UCKL1: variants seen among roughly 807,000 people sequenced by gnomAD.
The protein encoded by UCKL1 is uridine-cytidine kinase 1 like 1, also known as uridine-cytidine kinase-like 1.
In UCKL1, 65 loss-of-function variants were observed where a neutral mutation model predicts 59.2. The ratio of observed to expected loss-of-function variants is 1.10; its 90% confidence interval spans 0.90 to 1.35. The LOEUF (loss-of-function observed/expected upper bound fraction) is 1.35. Among genes scored for constraint, UCKL1 ranks in the 40% most tolerant of loss-of-function variants. The pLI, the probability that UCKL1 is intolerant of heterozygous loss-of-function variation, is 0.00. For missense variants in UCKL1, 703 were observed against 784.3 expected, an observed-to-expected ratio of 0.90 and a Z score of 1.24; for synonymous variants, 410 against 323.1, an observed-to-expected ratio of 1.27 and a Z score of -2.88.
Position 63,945,915 on chromosome 20 carries a change from C to T in UCKL1, c.472G>A (p.Asp158Asn). The T allele has an allele frequency of 6.2e-7, 1 of 1,613,876 alleles. No individual in the cohort carries two copies. The highest frequency in any genetic ancestry group is 8.5e-7 in the Non-Finnish European group (1 of 1,179,996). The change falls in exon 4 of 15, where the codon GAT (aspartate) becomes AAT (asparagine). Residue 158 changes from aspartate to asparagine, a missense_variant. Asp to Asn is a conservative substitution (Grantham distance 23). Around this residue, in one of 4 missense-constraint regions of UCKL1, gnomAD observed 398 missense variants for 373.0 expected, o/e 1.07. Coordinates refer to ENST00000354216, the MANE Select transcript of UCKL1 (RefSeq NM_017859.4). Reference sequence around the variant, plus strand: ...ATGATGAGGTCGAAGTCAAAGGCATCTGGGTGGTCGAAGTTGAAGTTGTTG... The same window carrying T: ...ATGATGAGGTCGAAGTCAAAGGCATTTGGGTGGTCGAAGTTGAAGTTGTTG... ...AHNNFNFDHP[D>N]AFDFDLIIST...
At position 63,945,734 on chromosome 20, in the gene UCKL1, C is replaced by T. The variant is rs1355705060; in HGVS notation, c.583-12G>A. The T allele has an allele frequency of 1.2e-6, 2 of 1,612,884 alleles. No homozygotes were observed. The highest frequency in any genetic ancestry group is 2.2e-5 in the East Asian group (1 of 44,858). ...CCATACAGTGTTTTCTGTGAAGAAA[C>T]CCAGGAGTTGCGGAGCCTGGCTCAT... is the stretch of plus-strand genomic sequence containing the variant. On this transcript the variant is annotated splice_polypyrimidine_tract_variant and intron_variant, in intron 4 of 14. Transcript: ENST00000354216.
At chr20:63,945,456 C>T (rs2055911040) in intron 5 of UCKL1, among the ~76,000 whole-genome samples, 195 bp downstream of exon 5, 1 of 152,248 alleles carries the variant, frequency 6.6e-6, no homozygotes. Flanking sequence ...CCTCAGGCAG[C>T]CACGCTCTGC....
chr20:63,942,870 A>G (rs2055011488), intron 8 of UCKL1: 2 of 382,488 alleles, frequency 5.2e-6, no homozygotes, highest in Non-Finnish European at 1.1e-5. Flanking sequence ...GGCCGAGGAG[A>G]GGGCCAAGCG....
chr20:63,940,984 A>G lies in UCKL1; in HGVS notation c.1082T>C (p.Leu361Pro). 6.5e-7 allele frequency: 1 copy of G among 1,530,378 alleles called. No individual in the cohort carries two copies. Among genetic ancestry groups the G allele is most frequent in the Non-Finnish European group, 8.8e-7 (1 of 1,136,680 alleles). The allele number at this position is 1,530,378 out of a possible 1,614,324, so 94.8% of individuals were successfully genotyped here. A position where few individuals can be genotyped will look rare whatever the true frequency, so the allele number is the denominator to read the frequency against. ...IFYSKRLMRL[L>P]IEHALSFLPF... ...CAGGAAGGAGAGCGCGTGCTCGATG[A>G]GCAGCCGCATCAGTCTCTTGGAGTA... The change falls in exon 10 of 15, where the codon CTC becomes CCC. Residue 361 changes from leucine (L) to proline (P), a missense_variant. This residue lies in a region of UCKL1 where 156 missense variants were observed against 185.6 expected (regional missense o/e 0.84). Transcript: ENST00000354216.
intron 1 of UCKL1, among the ~76,000 whole-genome samples, chr20:63,946,859 T>G (rs1456629898): frequency 6.6e-6 from 1 of 151,706 alleles, no homozygotes; most frequent in Non-Finnish European, 1.5e-5. Flanking sequence ...AGGTGGATCA[T>G]TTGAGGTCAG....
intron 1 of UCKL1, chr20:63,954,304 C>G (rs1413076539): frequency 1.3e-5 from 2 of 152,922 alleles, no homozygotes; most frequent in African/African-American, 4.8e-5. Flanking sequence ...GCTAACACCA[C>G]AAAGGACCTG....
chr20:63,945,525 G>A, intron 5 of UCKL1, 126 bp downstream of exon 5: 2 of 942,792 alleles, frequency 2.1e-6, no homozygotes, highest in Non-Finnish European at 3.2e-6. Flanking sequence ...GTTGGGGTAG[G>A]GAGTGGCTGG....
At position 63,944,632 on chromosome 20, in the gene UCKL1, T is replaced by C; in HGVS notation, c.757A>G (p.Ile253Val). The change falls in exon 6 of 15, where the codon ATC becomes GTC. Residue 253 changes from isoleucine (I) to valine (V), a missense_variant. By Grantham distance (29) the Ile-to-Val change is conservative. Transcript: ENST00000354216. Reference protein sequence around the residue: ...SERGRDIEGVIKQYNKFVKPS... With the variant: ...SERGRDIEGVVKQYNKFVKPS... ...TTGACAAACTTGTTGTACTGCTTGA[T>C]GACACCCTCGATGTCCCGGCCGCGC... 17 of 1,613,152 alleles carry C rather than the reference T, an allele frequency of 1.1e-5. No individual in the cohort carries two copies. The highest frequency in any genetic ancestry group is 1.4e-5 in the Non-Finnish European group (17 of 1,179,944).
rs1191945991 is a variant in UCKL1, at chr20:63,939,994, TTCC to T, written c.1626_1628del (p.Glu543del). 4 of 1,588,602 alleles carry T rather than the reference TTCC, an allele frequency of 2.5e-6. No homozygotes were observed. Among genetic ancestry groups the T allele is most frequent in the African/African-American group, 1.4e-5 (1 of 73,612 alleles). ...TGGGCAGCTAACCCGTGTAGGCCAC[TTCC>T]TCCTCGTCACTGCCATCGGGGACCG... On this transcript the variant is annotated inframe_deletion, in exon 15 of 15. Coordinates refer to ENST00000354216, the MANE Select transcript of UCKL1 (RefSeq NM_017859.4).
In UCKL1 at chr20:63,946,338, C is replaced by T. The variant is rs974385934; in HGVS notation, c.305-71G>A. 2.5e-5 allele frequency: 39 copies of T among 1,535,426 alleles called. No homozygotes were observed. In the Middle Eastern group the frequency reaches 5.4e-4, roughly 21 times the overall value. On this transcript the variant is annotated intron_variant, in intron 2 of 14. Coordinates refer to ENST00000354216, the MANE Select transcript of UCKL1 (RefSeq NM_017859.4). The stretch of plus-strand genomic sequence containing the variant: ...CGGCACAGATAGGTCCCAGAGGTGC[C>T]CATCCCGCTGCCGCTGCCTGCGGTT...
At chr20:63,956,160 G>C in intron 1 of UCKL1, 100 bp downstream of exon 1, 5 of 1,145,036 alleles carry the variant, frequency 4.4e-6, no homozygotes, top group Non-Finnish European at 4.6e-6. Context: ...CGGGAGTGGG[G>C]GACTTGGGCT....
At chr20:63,948,578 G>GGC (rs773344641) in intron 1 of UCKL1, 1 of 10,368 alleles carries the variant, frequency 9.6e-5, no homozygotes, top group Non-Finnish European at 1.9e-4. Flanking sequence ...AGAGGGAGGG[G>GGC]ATGTGTGTGA....
rs771224266 is a variant in UCKL1 at position 63,940,297 on chromosome 20, C to T, written c.1420G>A (p.Val474Met). Residue 474 changes from valine (V) to methionine (M), a missense_variant, in exon 14 of 15, where the codon GTG becomes ATG. By Grantham distance (21) the Val-to-Met change is conservative. Coordinates refer to ENST00000354216, the MANE Select transcript of UCKL1 (RefSeq NM_017859.4). ...MAVRVLLDHD[V>M]PEDKIFLLSL... ...AGCAAAAAGATCTTGTCCTCAGGCA[C>T]GTCGTGGTCCTACCGAGTGTATTGG... 7.4e-6 allele frequency: 12 copies of T among 1,612,660 alleles called. No homozygotes were observed. Among genetic ancestry groups the T allele is most frequent in the Non-Finnish European group, 8.5e-6 (10 of 1,179,982 alleles).
rs768811041 is a variant in UCKL1 at position 63,944,486 on chromosome 20, C to T, written c.845-28G>A. 129 of 1,578,098 alleles carry T rather than the reference C, an allele frequency of 8.2e-5. 1 individual carries two copies. The highest frequency in any genetic ancestry group is 1.6e-4 in the Admixed American group (9 of 55,424). ...GGGGCGGGATGGGGGGGCGGGTGACCGGGGGCTGGGCCGTTGGCCTGCCCG... is the reference window on the plus strand; with the variant it reads ...GGGGCGGGATGGGGGGGCGGGTGACTGGGGGCTGGGCCGTTGGCCTGCCCG... On this transcript the variant is annotated intron_variant, in intron 6 of 14. Transcript: ENST00000354216.
intron 3 of UCKL1, 92 bp from the exon 4 acceptor site, chr20:63,946,067 A>G: frequency 6.2e-7 from 1 of 1,608,378 alleles, no homozygotes; most frequent in Non-Finnish European, 8.5e-7. Flanking sequence ...AGGAGCAGCC[A>G]CGCTGGGGCT....
At chr20:63,943,789 C>T (rs1363148167) in intron 7 of UCKL1, 120 bp from the exon 8 acceptor site, 5 of 1,448,592 alleles carry the variant, frequency 3.5e-6, no homozygotes, top group African/African-American at 2.8e-5. Context: ...CACAGCCAGC[C>T]ATGGGGGGTG....
rs1569064128 is a variant in UCKL1, at chr20:63,944,427, A to G, written c.876T>C (p.Ile292=). 2 of 1,576,386 alleles carry G rather than the reference A, an allele frequency of 1.3e-6. No homozygotes were observed. Among genetic ancestry groups the G allele is most frequent in the Admixed American group, 1.8e-5 (1 of 55,030 alleles). The part of the protein sequence containing the change: ...GSGNTVAIDL[I]VQHVHSQLEE... The stretch of plus-strand genomic sequence containing the variant: ...CCAGCTGGCTGTGCACGTGCTGCAC[A>G]ATCAGGTCGATGGCCACCGTGTTGC... Residue 292 remains isoleucine (I), a synonymous_variant, in exon 7 of 15, where the codon ATT becomes ATC. Transcript: ENST00000354216.
chr20:63,941,245 G>A, intron 8 of UCKL1, 37 bp from the exon 9 acceptor site: 6 of 1,464,656 alleles, frequency 4.1e-6, no homozygotes, highest in Non-Finnish European at 5.4e-6. Context: ...CAAGAAGGGG[G>A]TCTTTTCCCA....
Position 63,950,078 on chromosome 20 carries a change from G to A in UCKL1, c.114-3435C>T, listed in dbSNP as rs936843661. Among the ~76,000 whole-genome samples, 6 of 152,190 alleles carry A rather than the reference G, an allele frequency of 3.9e-5. No individual in the cohort carries two copies. The East Asian group carries it at 5.8e-4, about 15-fold the overall frequency. On this transcript the variant is annotated intron_variant, in intron 1 of 14. Coordinates refer to ENST00000354216, the MANE Select transcript of UCKL1 (RefSeq NM_017859.4). ...AGGCACACGCTGCTGACAGCCAGGC[G>A]CTGGCCCTTCTGCTGGGAGTGGTGC...
Sources: allele counts gnomAD v4.1 joint callset (sites outside exome capture counted in the v4.1 genomes callset), GRCh38; gene constraint gnomAD v4.1.1; regional missense constraint gnomAD v4.1.1; transcripts MANE v1.5; gene names NCBI Gene and HGNC (gene_info 2026-07-23, HGNC 2026-07-21).